The following NDUFS4 variants were observed in gnomAD, a reference collection of about 807,000 sequenced individuals.
NDUFS4 encodes the protein NADH:ubiquinone oxidoreductase subunit S4.
In NDUFS4, 28 loss-of-function variants were observed where a neutral mutation model predicts 24.3. That is an observed-to-expected ratio of 1.15 (90% CI 0.85 to 1.58). The LOEUF is 1.58. NDUFS4 is among the 40% of genes most tolerant of loss of function. The probability of loss-of-function intolerance (pLI) is 0.00; values close to 1 mark genes in which losing one functional copy is unlikely to be tolerated. For missense variants in NDUFS4, 223 were observed against 207.9 expected, an observed-to-expected ratio of 1.07 and a Z score of -0.45; for synonymous variants, 93 against 69.7, an observed-to-expected ratio of 1.34 and a Z score of -1.67.
rs758500243 is a variant in NDUFS4 at position 53,588,574 on chromosome 5, GT to G, written c.99-14875del. 3.9e-5 allele frequency among the ~76,000 whole-genome samples: 6 copies of G among 152,184 alleles called. No individual in the cohort carries two copies. The East Asian group carries it at 1.2e-3, about 29-fold the overall frequency. On this transcript the variant is annotated intron_variant, in intron 1 of 4. Transcript: ENST00000296684. The stretch of plus-strand genomic sequence containing the variant: ...TTACTACATGACTGTTATCCAGTTT[GT>G]TTCATGAAGTGAAAAATATATGAAT...
intron 4 of NDUFS4, among the ~76,000 whole-genome samples, chr5:53,682,041 A>C (rs1740683598): frequency 6.6e-6 from 1 of 152,140 alleles, no homozygotes; most frequent in Non-Finnish European, 1.5e-5. Flanking sequence ...TGACTGCATG[A>C]TACAGCCATG....
intron 4 of NDUFS4, among the ~76,000 whole-genome samples, chr5:53,664,548 C>G (rs1475948810): frequency 6.6e-6 from 1 of 152,106 alleles, no homozygotes; most frequent in Non-Finnish European, 1.5e-5. Flanking sequence ...TCTTTTTTCT[C>G]TAAACTTCTC....
At chr5:53,677,882 A>T (rs976775610) in intron 4 of NDUFS4, among the ~76,000 whole-genome samples, 1 of 152,174 alleles carries the variant, frequency 6.6e-6, no homozygotes, top group African/African-American at 2.4e-5. Context: ...AGGGTTTGAG[A>T]TTAGGTTATT....
At chr5:53,646,454 T>C (rs767459999) in intron 3 of NDUFS4, 49 bp downstream of exon 3, 5 of 1,570,842 alleles carry the variant, frequency 3.2e-6, no homozygotes, top group South Asian at 1.1e-5. Context: ...TTTTTCTATG[T>C]AGATCTTTCT....
At chr5:53,570,066 G>A (rs1749159897) in intron 1 of NDUFS4, among the ~76,000 whole-genome samples, 1 of 152,118 alleles carries the variant, frequency 6.6e-6, no homozygotes. Flanking sequence ...TGGGTTATGT[G>A]TAACCACCAC....
intron 4 of NDUFS4, among the ~76,000 whole-genome samples, chr5:53,673,921 C>A (rs957491134): frequency 6.6e-6 from 1 of 152,182 alleles, no homozygotes; most frequent in East Asian, 1.9e-4. Flanking sequence ...CATTAACCAA[C>A]TCAGAGATAC....
intron 4 of NDUFS4, among the ~76,000 whole-genome samples, chr5:53,677,654 A>G (rs1449316539): frequency 6.6e-6 from 1 of 152,226 alleles, no homozygotes. Context: ...TCAGCCAGAT[A>G]TAATATGGGT....
chr5:53,628,787 C>G (rs1037144013), intron 2 of NDUFS4, among the ~76,000 whole-genome samples: 1 of 152,044 alleles, frequency 6.6e-6, no homozygotes, highest in Non-Finnish European at 1.5e-5. Flanking sequence ...GTCTTGCTAG[C>G]AGTCTATCTA....
At position 53,569,177 on chromosome 5, in the gene NDUFS4, C is replaced by G. The variant is rs531597235; in HGVS notation, c.98+8417C>G. Among the ~76,000 whole-genome samples the G allele has an allele frequency of 2.6e-5, 4 of 152,226 alleles. No homozygotes were observed. In the South Asian group the frequency reaches 8.3e-4, roughly 32 times the overall value. On this transcript the variant is annotated intron_variant, in intron 1 of 4. Coordinates refer to ENST00000296684, the MANE Select transcript of NDUFS4 (RefSeq NM_002495.4). ...TCAAGTGATCTCTTCAATATACTTACAGGAATTTGCATGAAATTTATGACT... is the reference window on the plus strand; with the variant it reads ...TCAAGTGATCTCTTCAATATACTTAGAGGAATTTGCATGAAATTTATGACT...
rs1214252041 is a variant in NDUFS4 at position 53,683,091 on chromosome 5, G to A, written c.425-27G>A. The A allele has an allele frequency of 3.3e-5, 47 of 1,427,818 alleles. No homozygotes were observed. Among genetic ancestry groups the A allele is most frequent in the Non-Finnish European group, 4.5e-5 (45 of 1,010,828 alleles). 88.4% of individuals were successfully genotyped at this position (1,427,818 alleles called of 1,614,324 possible). The stretch of plus-strand genomic sequence containing the variant: ...GTATCCTCTTTAATTCTGTTTCTGT[G>A]GATTTGTCTTTGTTTTTTCCTCCTA... On this transcript the variant is annotated intron_variant, in intron 4 of 4. Transcript: ENST00000296684.
chr5:53,584,118 C>A (rs114681277), intron 1 of NDUFS4, among the ~76,000 whole-genome samples: 1 of 152,176 alleles, frequency 6.6e-6, no homozygotes, highest in Admixed American at 6.5e-5. Flanking sequence ...AAAAGTACTT[C>A]ATATGTACCT....
intron 1 of NDUFS4, among the ~76,000 whole-genome samples, chr5:53,580,059 G>C (rs1749511732): frequency 6.6e-6 from 1 of 152,146 alleles, no homozygotes; most frequent in Non-Finnish European, 1.5e-5. Context: ...ATAAATGTGT[G>C]TTGTTTCAAT....
At chr5:53,593,556 C>A (rs1373162127) in intron 1 of NDUFS4, among the ~76,000 whole-genome samples, 1 of 149,508 alleles carries the variant, frequency 6.7e-6, no homozygotes, top group East Asian at 1.9e-4. Flanking sequence ...TTGATGTTTA[C>A]TATAATTTTT....
At chr5:53,594,414 G>A (rs1362099096) in intron 1 of NDUFS4, among the ~76,000 whole-genome samples, 3 of 151,914 alleles carry the variant, frequency 2.0e-5, no homozygotes, top group Non-Finnish European at 4.4e-5. Flanking sequence ...TTTAGTCTGT[G>A]TCTTTATAAT....
chr5:53,560,935 A>C (rs1420056394), intron 1 of NDUFS4, among the ~76,000 whole-genome samples, 175 bp downstream of exon 1: 1 of 151,974 alleles, frequency 6.6e-6, no homozygotes, highest in African/African-American at 2.4e-5. Flanking sequence ...TGGCCAGGCG[A>C]GTGAGGGCGT....
chr5:53,638,892 A>G (rs1290008441), intron 2 of NDUFS4, among the ~76,000 whole-genome samples: 1 of 152,066 alleles, frequency 6.6e-6, no homozygotes, highest in African/African-American at 2.4e-5. Context: ...GCTAATGTTA[A>G]TAAAACTATG....
chr5:53,654,305 T>C (rs543369134), intron 3 of NDUFS4, among the ~76,000 whole-genome samples: 3 of 152,292 alleles, frequency 2.0e-5, no homozygotes, highest in Non-Finnish European at 2.9e-5. Flanking sequence ...TAATTGGATA[T>C]GTATTTACTA....
At chr5:53,663,437 A>C (rs1422076840) in intron 4 of NDUFS4, among the ~76,000 whole-genome samples, 1 of 152,180 alleles carries the variant, frequency 6.6e-6, no homozygotes, top group East Asian at 1.9e-4. Context: ...GGGGTGTTAA[A>C]GTCTCCCATT....
chr5:53,563,812 T>G (rs541764762), intron 1 of NDUFS4, among the ~76,000 whole-genome samples: 12 of 152,348 alleles, frequency 7.9e-5, no homozygotes, highest in African/African-American at 2.4e-4. Context: ...CTAAGTTGTC[T>G]ACATTTATCC....
Sources: gnomAD v4.1 joint callset for allele counts (sites outside exome capture counted in the v4.1 genomes callset) on GRCh38, gnomAD v4.1.1 for gene constraint, MANE v1.5 for transcripts, NCBI Gene and HGNC (gene_info 2026-07-23, HGNC 2026-07-21) for gene names.